SNTB2: variants seen among roughly 807,000 people sequenced by gnomAD.
SNTB2 encodes the protein beta-2-syntrophin.
A neutral mutation model predicts 46.2 loss-of-function variants in SNTB2; 34 were observed. That is an observed-to-expected ratio of 0.74 (90% CI 0.56 to 0.98). The LOEUF (loss-of-function observed/expected upper bound fraction) is 0.98, where lower values mean the gene tolerates loss of function less well. SNTB2 is among the 50% of genes least tolerant of loss of function. The pLI is 0.00. For missense variants in SNTB2, 603 were observed against 731.4 expected (o/e 0.82, Z 2.02); for synonymous variants, 290 against 312.6 (o/e 0.93, Z 0.76).
intron 5 of SNTB2, among the ~76,000 whole-genome samples, chr16:69,296,734 GA>G (rs1227924763): frequency 6.8e-6 from 1 of 147,272 alleles, no homozygotes; most frequent in Non-Finnish European, 1.5e-5. Flanking sequence ...AAAAAAAAAA[GA>G]AAAAAGAAAT....
At chr16:69,219,493 C>T (rs1296176871) in intron 1 of SNTB2, among the ~76,000 whole-genome samples, 1 of 152,084 alleles carries the variant, frequency 6.6e-6, no homozygotes, top group Non-Finnish European at 1.5e-5. Flanking sequence ...AGTTAATAGT[C>T]ATTACTACAC....
intron 1 of SNTB2, among the ~76,000 whole-genome samples, chr16:69,237,703 A>G (rs2057226580): frequency 6.7e-6 from 1 of 150,274 alleles, no homozygotes; most frequent in Non-Finnish European, 1.5e-5. Context: ...CCCCGGTTCA[A>G]GTGATTCTCC....
At chr16:69,209,234 G>A (rs2152291632) in intron 1 of SNTB2, among the ~76,000 whole-genome samples, 1 of 152,258 alleles carries the variant, frequency 6.6e-6, no homozygotes, top group Non-Finnish European at 1.5e-5. Flanking sequence ...GCCTCCCAAA[G>A]TGCCTGGCCA....
intron 1 of SNTB2, among the ~76,000 whole-genome samples, chr16:69,228,528 G>C (rs888711955): frequency 8.3e-6 from 1 of 120,096 alleles, no homozygotes; most frequent in South Asian, 2.7e-4. Flanking sequence ...AAAAAAAAAA[G>C]AATTTCATAA....
intron 1 of SNTB2, among the ~76,000 whole-genome samples, chr16:69,232,427 C>CATCTCCTG (rs1433816606): frequency 1.3e-5 from 2 of 149,248 alleles, no homozygotes; most frequent in Non-Finnish European, 3.0e-5. Flanking sequence ...GGATGGTCTC[C>CATCTCCTG]ATCTCCTGAC....
intron 2 of SNTB2, among the ~76,000 whole-genome samples, chr16:69,247,142 AG>A (rs1209851568): frequency 2.6e-5 from 4 of 151,578 alleles, no homozygotes; most frequent in Non-Finnish European, 5.9e-5. Context: ...CTTATACTGT[AG>A]GTAGTATAGA....
rs199532963 is a variant in SNTB2 at position 69,299,734 on chromosome 16, G to A, written c.1490G>A (p.Arg497Gln). The A allele has an allele frequency of 5.6e-5, 90 of 1,614,136 alleles. No homozygotes were observed. The Middle Eastern group carries it at 8.2e-4, about 15-fold the overall frequency. The change falls in exon 6 of 7, where the codon CGA becomes CAA. Residue 497 changes from arginine to glutamine, a missense_variant. By Grantham distance (43) the Arg-to-Gln change is conservative (BLOSUM62 1). This residue lies in a region of SNTB2 where 537 missense variants were observed against 692.4 expected (regional missense o/e 0.78). Coordinates refer to ENST00000336278, the MANE Select transcript of SNTB2 (RefSeq NM_006750.4). ...RLKMSADDGIRNLYLDFGGPE... is the reference protein window; with the variant it reads ...RLKMSADDGIQNLYLDFGGPE... ...AAGATGTCTGCTGATGATGGCATCC[G>A]AAATCTATACTTGGATTTTGGTGGT...
intron 5 of SNTB2, among the ~76,000 whole-genome samples, chr16:69,299,329 G>T (rs1254989955): frequency 6.6e-6 from 1 of 151,990 alleles, no homozygotes; most frequent in African/African-American, 2.4e-5. Flanking sequence ...TTTTAGTAGA[G>T]ACGGGGTTTC....
intron 4 of SNTB2, among the ~76,000 whole-genome samples, chr16:69,281,291 G>A (rs1182793753): frequency 6.6e-6 from 1 of 151,420 alleles, no homozygotes; most frequent in Non-Finnish European, 1.5e-5. Context: ...GAGTGCAATG[G>A]CGCGATCTCG....
intron 5 of SNTB2, among the ~76,000 whole-genome samples, chr16:69,287,128 A>G (rs1965111355): frequency 6.6e-6 from 1 of 152,212 alleles, no homozygotes; most frequent in Non-Finnish European, 1.5e-5. Context: ...CCATTGTGGA[A>G]GCGCCCTCTT....
chr16:69,274,834 C>G lies in SNTB2; in HGVS notation c.1148+4549C>G, dbSNP rs577646864. On this transcript the variant is annotated intron_variant, in intron 4 of 6. Transcript: ENST00000336278. ...AAAGGAAAAGGAGCAGTTTTTTGATCTGCCACCAATTTTTACAGATAGTCA... is the reference window on the plus strand; with the variant it reads ...AAAGGAAAAGGAGCAGTTTTTTGATGTGCCACCAATTTTTACAGATAGTCA... 3.3e-5 allele frequency among the ~76,000 whole-genome samples: 5 copies of G among 152,146 alleles called. No individual in the cohort carries two copies. In the East Asian group the frequency reaches 9.6e-4, roughly 29 times the overall value.
intron 1 of SNTB2, among the ~76,000 whole-genome samples, chr16:69,205,418 T>A (rs1001549851): frequency 6.6e-6 from 1 of 151,466 alleles, no homozygotes; most frequent in African/African-American, 2.4e-5. Flanking sequence ...CAGGCTGGTC[T>A]CAAACTCTTG....
chr16:69,265,783 C>T (rs1597192491), intron 3 of SNTB2, among the ~76,000 whole-genome samples: 1 of 148,164 alleles, frequency 6.7e-6, no homozygotes, highest in South Asian at 2.1e-4. Context: ...GCCGAGATTG[C>T]ACCATTGCAC....
chr16:69,227,840 G>GT (rs1964473142), intron 1 of SNTB2, among the ~76,000 whole-genome samples: 1 of 127,680 alleles, frequency 7.8e-6, no homozygotes, highest in Non-Finnish European at 1.7e-5. Flanking sequence ...TGTTTCTCTG[G>GT]ATTTTTTTTT....
intron 1 of SNTB2, among the ~76,000 whole-genome samples, chr16:69,228,042 T>C (rs186712935): frequency 2.5e-4 from 38 of 152,052 alleles, no homozygotes; most frequent in Non-Finnish European, 5.6e-4. Context: ...ATATCTTAAT[T>C]ACCACGTCTA....
At chr16:69,208,900 C>T (rs1012238900) in intron 1 of SNTB2, among the ~76,000 whole-genome samples, 5 of 151,894 alleles carry the variant, frequency 3.3e-5, no homozygotes, top group African/African-American at 1.2e-4. Context: ...CTGTACCTAG[C>T]ATAGTACCTT....
intron 3 of SNTB2, among the ~76,000 whole-genome samples, chr16:69,263,653 A>G (rs1260065346): frequency 6.8e-6 from 1 of 147,092 alleles, no homozygotes; most frequent in African/African-American, 2.5e-5. Context: ...CCTGACCTCA[A>G]GTGATCCACC....
intron 1 of SNTB2, among the ~76,000 whole-genome samples, chr16:69,210,287 G>T (rs956884389): frequency 1.3e-5 from 2 of 151,986 alleles, no homozygotes; most frequent in Admixed American, 1.3e-4. Context: ...GCCCAGGCTG[G>T]AGTGCAGTGG....
At chr16:69,207,388 C>T (rs569046313) in intron 1 of SNTB2, among the ~76,000 whole-genome samples, 35 of 150,090 alleles carry the variant, frequency 2.3e-4, no homozygotes, top group African/African-American at 8.1e-4. Context: ...GAACTCCTGA[C>T]CTCAGGTGAT....
Sources: gnomAD v4.1 joint callset for allele counts (sites outside exome capture counted in the v4.1 genomes callset) on GRCh38, gnomAD v4.1.1 for gene constraint, gnomAD v4.1.1 regional missense constraint, MANE v1.5 for transcripts, NCBI Gene and HGNC (gene_info 2026-07-23, HGNC 2026-07-21) for gene names.